DDX4: variants seen among roughly 807,000 people sequenced by gnomAD.
The protein encoded by DDX4 is DEAD-box helicase 4, also known as probable ATP-dependent RNA helicase DDX4.
A neutral mutation model predicts 100.0 loss-of-function variants in DDX4; 25 were observed. The observed-to-expected ratio is 0.25, with a 90% CI of 0.18 to 0.35. The LOEUF is 0.35. Among genes scored for constraint, DDX4 ranks in the 10% least tolerant of loss-of-function variants. The pLI, the probability that DDX4 is intolerant of heterozygous loss-of-function variation, is 1.00. For synonymous variants in DDX4, 259 were observed against 275.7 expected (o/e 0.94, Z 0.60); for missense variants, 635 against 882.4 (o/e 0.72, Z 3.55).
chr5:55,770,702 A>G (rs1416254181), intron 7 of DDX4, among the ~76,000 whole-genome samples: 1 of 152,084 alleles, frequency 6.6e-6, no homozygotes, highest in Non-Finnish European at 1.5e-5. Context: ...GGACTTGTGG[A>G]TTTCATAATG....
intron 12 of DDX4, 33 bp from the exon 13 acceptor site, chr5:55,785,696 A>G: frequency 6.3e-7 from 1 of 1,583,430 alleles, no homozygotes; most frequent in Non-Finnish European, 8.7e-7. Flanking sequence ...TAGTCTCTGT[A>G]ACGTACATTA....
At chr5:55,742,598 A>C (rs1177764167) in intron 2 of DDX4, among the ~76,000 whole-genome samples, 1 of 152,360 alleles carries the variant, frequency 6.6e-6, no homozygotes, top group East Asian at 1.9e-4. Flanking sequence ...TGCATGTGAG[A>C]ACACTTATGT....
intron 3 of DDX4, among the ~76,000 whole-genome samples, chr5:55,753,547 C>T (rs144873421): frequency 8.1e-4 from 124 of 152,218 alleles, no homozygotes; most frequent in African/African-American, 2.8e-3. Context: ...GTTTTGGTAC[C>T]AGCACCATGC....
chr5:55,742,663 A>G (rs1390366427), intron 2 of DDX4, among the ~76,000 whole-genome samples: 1 of 152,202 alleles, frequency 6.6e-6, no homozygotes, highest in Admixed American at 6.5e-5. Context: ...AGAGATAATA[A>G]TGGTTTACAG....
chr5:55,797,419 T>C (rs1743031345), intron 17 of DDX4, among the ~76,000 whole-genome samples: 1 of 152,180 alleles, frequency 6.6e-6, no homozygotes, highest in South Asian at 2.1e-4. Flanking sequence ...ATGAAAAGGG[T>C]GATGGATAAT....
At chr5:55,739,116 C>A in intron 2 of DDX4, 84 bp downstream of exon 2, 1 of 796,138 alleles carries the variant, frequency 1.3e-6, no homozygotes, top group Admixed American at 2.1e-5. Flanking sequence ...CTAAATTATA[C>A]AGTCTGTGTC....
intron 3 of DDX4, among the ~76,000 whole-genome samples, chr5:55,753,154 A>G (rs1464870992): frequency 1.3e-5 from 2 of 152,128 alleles, no homozygotes; most frequent in South Asian, 4.1e-4. Flanking sequence ...CTCTGATGGT[A>G]GTTTCTTTTG....
intron 3 of DDX4, among the ~76,000 whole-genome samples, chr5:55,746,839 T>C (rs1479663777): frequency 6.6e-6 from 1 of 152,104 alleles, no homozygotes; most frequent in Non-Finnish European, 1.5e-5. Flanking sequence ...GATGGGAAGA[T>C]GGGTGGAAGT....
intron 6 of DDX4, among the ~76,000 whole-genome samples, chr5:55,764,860 TG>T (rs1387315860): frequency 1.3e-5 from 2 of 152,222 alleles, no homozygotes; most frequent in African/African-American, 4.8e-5. Flanking sequence ...AGCACACAGC[TG>T]AATACCAGAC....
At chr5:55,802,638 A>G (rs778379903) in intron 18 of DDX4, among the ~76,000 whole-genome samples, 27 of 152,224 alleles carry the variant, frequency 1.8e-4, no homozygotes, top group Non-Finnish European at 5.9e-5. Context: ...CTATTCTTTG[A>G]AGTATTAATA....
At chr5:55,805,272 G>C (rs1005200597) in intron 18 of DDX4, among the ~76,000 whole-genome samples, 1 of 152,144 alleles carries the variant, frequency 6.6e-6, no homozygotes, top group Non-Finnish European at 1.5e-5. Context: ...TCTGCAAACA[G>C]AGACAATTTG....
In DDX4 at chr5:55,792,903, C is replaced by T. The variant is rs369538831; in HGVS notation, c.1469+96C>T. On this transcript the variant is annotated intron_variant, in intron 17 of 21. Transcript: ENST00000505374. Reference sequence around the variant, plus strand: ...GAATATCCTATTTTTAGAGATTTGTCGTTAAGATTTTAATATAGGTAGTTT... The same window carrying T: ...GAATATCCTATTTTTAGAGATTTGTTGTTAAGATTTTAATATAGGTAGTTT... 3.6e-4 allele frequency: 286 copies of T among 785,608 alleles called. 1 individual carries two copies. Among genetic ancestry groups the T allele is most frequent in the Middle Eastern group, 9.4e-4 (2 of 2,122 alleles). The allele number at this position is 785,608 out of a possible 1,614,324, so 48.7% of individuals were successfully genotyped here. A position where few individuals can be genotyped will look rare whatever the true frequency, so the allele number is the denominator to read the frequency against.
intron 9 of DDX4, 82 bp downstream of exon 9, chr5:55,781,228 T>C: frequency 2.7e-6 from 3 of 1,107,526 alleles, no homozygotes; most frequent in South Asian, 3.3e-5. Flanking sequence ...ATATATATGT[T>C]AAAGTATACT....
In DDX4 at chr5:55,815,149, C is replaced by G. The variant is rs1435898830; in HGVS notation, c.1964C>G (p.Pro655Arg). The G allele has an allele frequency of 6.2e-7, 1 of 1,614,090 alleles. No individual in the cohort carries two copies. ...GAATCGGATAACCATTTAGCACAGC[C>G]TCTAGTAAAAGTATTGACAGATGTA... ...DLESDNHLAQ[P>R]LVKVLTDAQQ... The change falls in exon 20 of 22, where the codon CCT (proline) becomes CGT (arginine). Residue 655 changes from proline to arginine, a missense_variant. Pro to Arg is a moderately radical substitution (Grantham distance 103, BLOSUM62 -2). Transcript: ENST00000505374.
chr5:55,739,467 G>T (rs1320352752), intron 2 of DDX4, among the ~76,000 whole-genome samples: 1 of 152,184 alleles, frequency 6.6e-6, no homozygotes, highest in Non-Finnish European at 1.5e-5. Flanking sequence ...ACATCAGTTT[G>T]TATGAATCTT....
intron 10 of DDX4, 110 bp from the exon 11 acceptor site, chr5:55,785,187 G>T: frequency 1.4e-6 from 1 of 728,406 alleles, no homozygotes; most frequent in South Asian, 1.7e-5. Flanking sequence ...TTTGTAAGAA[G>T]GGAATTTAAA....
chr5:55,742,341 A>T (rs1162300913), intron 2 of DDX4: 1 of 301,822 alleles, frequency 3.3e-6, no homozygotes, highest in African/African-American at 2.1e-5. Flanking sequence ...TATAGTGATC[A>T]CTTCTGTCTG....
intron 7 of DDX4, among the ~76,000 whole-genome samples, chr5:55,773,507 A>C (rs146576040): frequency 1.8e-3 from 281 of 152,166 alleles, no homozygotes; most frequent in African/African-American, 4.8e-3. Flanking sequence ...ATTTTATATT[A>C]CCACTCTCAA....
intron 2 of DDX4, among the ~76,000 whole-genome samples, 161 bp downstream of exon 2, chr5:55,739,193 A>G (rs1210162424): frequency 6.6e-6 from 1 of 152,222 alleles, no homozygotes; most frequent in Non-Finnish European, 1.5e-5. Flanking sequence ...TAAGCCTCGT[A>G]TAGGATACAA....
Sources: allele counts gnomAD v4.1 joint callset (sites outside exome capture counted in the v4.1 genomes callset), GRCh38; gene constraint gnomAD v4.1.1; transcripts MANE v1.5; gene names NCBI Gene and HGNC (gene_info 2026-07-23, HGNC 2026-07-21).